MSH4: variants seen among roughly 807,000 people sequenced by gnomAD.
The protein encoded by MSH4 is mutS homolog 4.
Under a neutral mutation model 113.7 loss-of-function variants are expected in MSH4, and 106 were observed. The ratio of observed to expected loss-of-function variants is 0.93; its 90% confidence interval spans 0.80 to 1.10. The LOEUF is 1.10. MSH4 is among the 50% of genes least tolerant of loss of function. MSH4 has a pLI of 0.00. For missense variants in MSH4, 1,061 were observed against 1,093.7 expected (o/e 0.97, Z 0.42); for synonymous variants, 368 against 380.2 (o/e 0.97, Z 0.37).
chr1:75,899,509 C>G, intron 18 of MSH4, 109 bp from the exon 19 acceptor site: 1 of 560,410 alleles, frequency 1.8e-6, no homozygotes, highest in South Asian at 3.5e-5. Flanking sequence ...AGAAGTGCCT[C>G]TAGAAGGGAA....
chr1:75,884,474 T>G (rs5745491), intron 15 of MSH4, among the ~76,000 whole-genome samples: 115,776 of 151,790 alleles, frequency 0.76, 44,305 homozygotes, highest in East Asian at 0.98. Flanking sequence ...TTAAGCAGGG[T>G]TGGTTTTGAT....
At chr1:75,874,201 T>C (rs1651769866) in intron 9 of MSH4, among the ~76,000 whole-genome samples, 1 of 152,182 alleles carries the variant, frequency 6.6e-6, no homozygotes, top group Admixed American at 6.5e-5. Flanking sequence ...TTTCATATGT[T>C]TGTTGTCCAC....
intron 4 of MSH4, among the ~76,000 whole-genome samples, chr1:75,812,733 A>G (rs1650215723): frequency 6.6e-6 from 1 of 152,118 alleles, no homozygotes; most frequent in African/African-American, 2.4e-5. Context: ...GCTAACTGGC[A>G]CTTACCAAAG....
chr1:75,863,142 T>C (rs937824479), intron 8 of MSH4, among the ~76,000 whole-genome samples: 3 of 152,154 alleles, frequency 2.0e-5, no homozygotes, highest in South Asian at 2.1e-4. Context: ...CCATATAGAG[T>C]ATCTGAAGTA....
chr1:75,866,952 C>A (rs5745427), intron 8 of MSH4, among the ~76,000 whole-genome samples: 114,534 of 152,080 alleles, frequency 0.75, 43,281 homozygotes, highest in East Asian at 0.98. Flanking sequence ...GGTTTGGTAA[C>A]ACTGCCCAAT....
intron 8 of MSH4, among the ~76,000 whole-genome samples, chr1:75,867,257 C>T (rs939198072): frequency 2.6e-5 from 4 of 151,998 alleles, no homozygotes; most frequent in Non-Finnish European, 5.9e-5. Flanking sequence ...TAAATTGAAC[C>T]CAAGAGATTG....
chr1:75,809,734 G>A (rs569754774), intron 3 of MSH4, among the ~76,000 whole-genome samples: 10 of 151,160 alleles, frequency 6.6e-5, no homozygotes, highest in South Asian at 4.2e-4. Flanking sequence ...TCTGCCTTCC[G>A]GGTTCAAGCA....
At chr1:75,803,138 C>T (rs574450735) in intron 1 of MSH4, among the ~76,000 whole-genome samples, 1 of 152,180 alleles carries the variant, frequency 6.6e-6, no homozygotes, top group South Asian at 2.1e-4. Context: ...GATATTCATA[C>T]CTTAGCAACA....
intron 15 of MSH4, among the ~76,000 whole-genome samples, chr1:75,885,047 G>GTATATA (rs1223601707): frequency 1.3e-4 from 14 of 108,934 alleles, no homozygotes; most frequent in South Asian, 2.5e-4. Context: ...GTGTGTGTGT[G>GTATATA]TGTGTGTGTG....
intron 2 of MSH4, among the ~76,000 whole-genome samples, chr1:75,805,397 T>G (rs1187619120): frequency 3.8e-5 from 4 of 106,572 alleles, no homozygotes; most frequent in Non-Finnish European, 8.4e-5. Flanking sequence ...TTTTTTTTTT[T>G]TGGTTTTTGA....
At chr1:75,821,677 T>C (rs556023607) in intron 6 of MSH4, among the ~76,000 whole-genome samples, 1 of 152,310 alleles carries the variant, frequency 6.6e-6, no homozygotes, top group Admixed American at 6.5e-5. Flanking sequence ...GGTGCAAGTA[T>C]GGTTCACTGC....
At chr1:75,839,721 G>C (rs1392776644) in intron 7 of MSH4, among the ~76,000 whole-genome samples, 2 of 150,204 alleles carry the variant, frequency 1.3e-5, no homozygotes, top group African/African-American at 4.9e-5. Flanking sequence ...TACCATCAGA[G>C]TGAACAGGCA....
At chr1:75,832,709 G>A (rs1650730012) in intron 7 of MSH4, among the ~76,000 whole-genome samples, 1 of 152,084 alleles carries the variant, frequency 6.6e-6, no homozygotes, top group Non-Finnish European at 1.5e-5. Context: ...AATAGAGGCA[G>A]AAAAGGCCTT....
intron 8 of MSH4, among the ~76,000 whole-genome samples, chr1:75,854,860 T>C (rs1651281067): frequency 6.6e-6 from 1 of 152,192 alleles, no homozygotes; most frequent in Non-Finnish European, 1.5e-5. Context: ...CCACAGTTAA[T>C]GTTTATGATA....
intron 19 of MSH4, among the ~76,000 whole-genome samples, chr1:75,901,625 A>G (rs1652507649): frequency 6.6e-6 from 1 of 152,124 alleles, no homozygotes; most frequent in African/African-American, 2.4e-5. Context: ...ACGTGGGAAT[A>G]TAGACATCTC....
intron 1 of MSH4, 87 bp downstream of exon 1, chr1:75,797,316 A>G: frequency 6.8e-7 from 1 of 1,478,990 alleles, no homozygotes; most frequent in Non-Finnish European, 9.0e-7. Flanking sequence ...GGTGGTTACC[A>G]CAGTGAAGTT....
At chr1:75,891,346 A>T (rs1200189978) in intron 17 of MSH4, among the ~76,000 whole-genome samples, 1 of 152,186 alleles carries the variant, frequency 6.6e-6, no homozygotes, top group African/African-American at 2.4e-5. Context: ...ACAGATATGA[A>T]CAAAACTGAA....
chr1:75,827,478 C>A (rs1426588565), intron 7 of MSH4, among the ~76,000 whole-genome samples: 2 of 152,068 alleles, frequency 1.3e-5, no homozygotes. Context: ...ATCAAATTCA[C>A]ACATAACAAT....
At chr1:75,883,873 C>T (rs1180439100) in intron 15 of MSH4, 52 bp downstream of exon 15, 4 of 1,493,688 alleles carry the variant, frequency 2.7e-6, no homozygotes, top group Non-Finnish European at 3.6e-6. Context: ...TTTCAGAATG[C>T]TTTGTGCCTA....
Sources: allele counts gnomAD v4.1 joint callset (sites outside exome capture counted in the v4.1 genomes callset), GRCh38; gene constraint gnomAD v4.1.1; transcripts MANE v1.5; gene names NCBI Gene and HGNC (gene_info 2026-07-23, HGNC 2026-07-21).